Variants in ENKUR observed in about 807,000 individuals in gnomAD.
ENKUR encodes enkurin, TRPC channel interacting protein.
A neutral mutation model predicts 27.6 loss-of-function variants in ENKUR; 19 were observed. The ratio of observed to expected loss-of-function variants is 0.69; its 90% CI spans 0.48 to 1.01. The LOEUF (loss-of-function observed/expected upper bound fraction) is 1.01. ENKUR is among the 50% of genes least tolerant of loss of function. The probability of loss-of-function intolerance (pLI) is 0.00; values close to 1 mark genes in which losing one functional copy is unlikely to be tolerated. For synonymous variants in ENKUR, 117 were observed against 96.9 expected, an observed-to-expected ratio of 1.21 and a Z score of -1.22; for missense variants, 312 against 310.5, an observed-to-expected ratio of 1.00 and a Z score of -0.04.
At chr10:25,049,166 G>A (rs995164981) in intron 2 of ENKUR, among the ~76,000 whole-genome samples, 1 of 152,038 alleles carries the variant, frequency 6.6e-6, no homozygotes, top group African/African-American at 2.4e-5. Flanking sequence ...TTGTTGGGAG[G>A]GTTAACTGTA....
chr10:25,025,275 C>G, intron 2 of ENKUR: 1 of 1,614,158 alleles, frequency 6.2e-7, no homozygotes, highest in Middle Eastern at 1.6e-4. Context: ...TTAAAGAAAT[C>G]AATGAGACTT....
chr10:25,036,994 G>A (rs1400603692), intron 2 of ENKUR, among the ~76,000 whole-genome samples: 10 of 152,154 alleles, frequency 6.6e-5, no homozygotes, highest in African/African-American at 1.2e-4. Context: ...AAACAATCCC[G>A]TGCAAGCCAA....
intron 2 of ENKUR, among the ~76,000 whole-genome samples, chr10:25,040,035 CT>C (rs1194806998): frequency 3.3e-5 from 5 of 151,498 alleles, no homozygotes; most frequent in Admixed American, 6.6e-5. Context: ...TGTGTCTGTC[CT>C]CTCTCTTTTA....
At chr10:25,024,593 T>G in intron 2 of ENKUR, 1 of 1,614,212 alleles carries the variant, frequency 6.2e-7, no homozygotes, top group Non-Finnish European at 8.5e-7. Flanking sequence ...ACTGGCTTTC[T>G]TACTGTGGAA....
intron 2 of ENKUR, among the ~76,000 whole-genome samples, chr10:25,054,067 T>G (rs751053624): frequency 1.3e-5 from 2 of 152,222 alleles, no homozygotes; most frequent in African/African-American, 2.4e-5. Flanking sequence ...TAACTTTTCC[T>G]GACTGCAAAC....
chr10:25,040,294 G>T (rs1191465165), intron 2 of ENKUR, among the ~76,000 whole-genome samples: 1 of 151,864 alleles, frequency 6.6e-6, no homozygotes, highest in Non-Finnish European at 1.5e-5. Context: ...GAAGTCACAT[G>T]ACAAAGGTGT....
At chr10:25,025,529 A>G (rs1850833228) in intron 2 of ENKUR, 19 of 1,399,524 alleles carry the variant, frequency 1.4e-5, no homozygotes, top group Non-Finnish European at 1.7e-5. Flanking sequence ...TTTGGAGTAC[A>G]GTAGCATTTT....
At chr10:25,025,524 A>C in intron 2 of ENKUR, 1 of 1,417,698 alleles carries the variant, frequency 7.1e-7, no homozygotes, top group Non-Finnish European at 9.6e-7. Flanking sequence ...ACTGATTTGG[A>C]GTACAGTAGC....
Position 24,999,539 on chromosome 10 carries a change from A to T in ENKUR, c.85T>A (p.Ser29Thr), listed in dbSNP as rs962032817. ...TCTTTTACAGTTGCCTTAAAAATGG[A>T]TATGTACCTAAAATTGAATTTTAAA... ...KEPPQPPRYI[S>T]IFKATVKDDM... Residue 29 changes from serine to threonine, a missense_variant, in exon 2 of 6, where the codon TCC (serine) becomes ACC (threonine). Ser to Thr is a moderately conservative substitution (Grantham distance 58). Coordinates refer to ENST00000331161, the MANE Select transcript of ENKUR (RefSeq NM_145010.4). 2 of 1,604,684 alleles carry T rather than the reference A, an allele frequency of 1.2e-6. No individual in the cohort carries two copies. Among genetic ancestry groups the T allele is most frequent in the Non-Finnish European group, 1.7e-6 (2 of 1,177,348 alleles).
At chr10:25,004,084 T>G (rs557539847) in intron 1 of ENKUR, among the ~76,000 whole-genome samples, 37 of 152,356 alleles carry the variant, frequency 2.4e-4, no homozygotes, top group African/African-American at 8.9e-4. Context: ...TACACATCCA[T>G]GTCCCTGCAA....
Position 25,025,246 on chromosome 10 carries a change from A to G in ENKUR, c.38-29377T>C. The G allele has an allele frequency of 6.8e-6, 11 of 1,614,216 alleles. No homozygotes were observed. Among genetic ancestry groups the G allele is most frequent in the South Asian group, 1.1e-5 (1 of 91,082 alleles). The stretch of plus-strand genomic sequence containing the variant: ...CCATTACTCAAAGTTTGCACCTGCT[A>G]TCATGCAGGCTTTAAAGATTAAAGA... On this transcript the variant is annotated intron_variant, in intron 2 of 5. Transcript: ENST00000615958.
intron 2 of ENKUR, among the ~76,000 whole-genome samples, chr10:25,055,039 C>G (rs1450032144): frequency 6.6e-6 from 1 of 152,128 alleles, no homozygotes; most frequent in Non-Finnish European, 1.5e-5. Flanking sequence ...GTAAATATCT[C>G]AAGATCCTTG....
chr10:25,031,599 A>T (rs1588679266), intron 2 of ENKUR, among the ~76,000 whole-genome samples: 1 of 152,000 alleles, frequency 6.6e-6, no homozygotes, highest in Non-Finnish European at 1.5e-5. Context: ...ATTCTCTAGA[A>T]TTTTTCTTTC....
chr10:25,028,103 T>C (rs1382215675), intron 2 of ENKUR, among the ~76,000 whole-genome samples: 1 of 152,168 alleles, frequency 6.6e-6, no homozygotes, highest in Non-Finnish European at 1.5e-5. Flanking sequence ...GGGAAGATTT[T>C]CTAGGTGAAA....
At chr10:25,020,982 G>A (rs1850707863), upstream of ENKUR, among the ~76,000 whole-genome samples, 1 of 152,134 alleles carries the variant, frequency 6.6e-6, no homozygotes, top group Admixed American at 6.6e-5. Flanking sequence ...TTGATGTTAT[G>A]GTTCAAGTAT....
chr10:25,050,307 C>T (rs1451307419), intron 2 of ENKUR, among the ~76,000 whole-genome samples: 4 of 152,102 alleles, frequency 2.6e-5, no homozygotes, highest in Admixed American at 2.0e-4. Context: ...TCTGTTCTCA[C>T]GCTGCTAATA....
At chr10:25,023,778 A>G in intron 2 of ENKUR, 2 of 1,614,052 alleles carry the variant, frequency 1.2e-6, no homozygotes, top group Middle Eastern at 3.3e-4. Context: ...TGAAAGACTT[A>G]CTTAAATTTA....
intron 3 of ENKUR, among the ~76,000 whole-genome samples, chr10:24,991,683 C>T (rs1849932349): frequency 6.6e-6 from 1 of 152,328 alleles, no homozygotes; most frequent in African/African-American, 2.4e-5. Flanking sequence ...CTCAATAAAA[C>T]CTTGCACTCA....
At chr10:25,012,874 C>A (rs895802294) in intron 1 of ENKUR, among the ~76,000 whole-genome samples, 20 of 152,188 alleles carry the variant, frequency 1.3e-4, no homozygotes, top group African/African-American at 3.9e-4. Context: ...CTGGGAGGGG[C>A]TGGGGTAGAA....
Sources: gnomAD v4.1 joint callset for allele counts (sites outside exome capture counted in the v4.1 genomes callset) on GRCh38, gnomAD v4.1.1 for gene constraint, MANE v1.5 for transcripts, NCBI Gene and HGNC (gene_info 2026-07-23, HGNC 2026-07-21) for gene names.